ANKRD46: variants seen among roughly 807,000 people sequenced by gnomAD.
ANKRD46 encodes ankyrin repeat domain 46.
Under a neutral mutation model 19.8 loss-of-function variants are expected in ANKRD46, and 13 were observed. That is an observed-to-expected ratio of 0.66 (90% CI 0.43 to 1.04). The LOEUF (loss-of-function observed/expected upper bound fraction) is 1.04. Among genes scored for constraint, ANKRD46 ranks in the 50% least tolerant of loss-of-function variants. The probability of loss-of-function intolerance (pLI) is 0.00; values close to 1 mark genes in which losing one functional copy is unlikely to be tolerated. For synonymous variants in ANKRD46, 91 were observed against 106.9 expected, an observed-to-expected ratio of 0.85 and a Z score of 0.92; for missense variants, 185 against 274.8, an observed-to-expected ratio of 0.67 and a Z score of 2.31.
rs1812277718 is a variant in ANKRD46, at chr8:100,546,620, G to A, written c.-131+13091C>T. On this transcript the variant is annotated intron_variant, in intron 1 of 4. Coordinates refer to ENST00000335659, the MANE Select transcript of ANKRD46 (RefSeq NM_001270377.2). This position sits in a 1 kb window ranked among gnomAD's most constrained non-coding sequence, Gnocchi z 4.0. ...AGTGTGGAAGGGAAATGTAGGGTTG[G>A]AGCCCCCACACAGAGTCCCCACTGG... 6.6e-6 allele frequency among the ~76,000 whole-genome samples: 1 copy of A among 152,236 alleles called. No homozygotes were observed. Among genetic ancestry groups the A allele is most frequent in the East Asian group, 1.9e-4 (1 of 5,198 alleles).
chr8:100,538,398 T>C (rs893383536), intron 1 of ANKRD46, among the ~76,000 whole-genome samples: 1 of 152,236 alleles, frequency 6.6e-6, no homozygotes, highest in Non-Finnish European at 1.5e-5. Flanking sequence ...CAACACAGTG[T>C]AACAACTACT....
chr8:100,551,255 G>C, intron 1 of ANKRD46: 1 of 480,262 alleles, frequency 2.1e-6, no homozygotes, highest in Non-Finnish European at 3.9e-6. Flanking sequence ...TTAAGCAGTT[G>C]GTGGTACAGA....
chr8:100,549,104 T>C (rs1812330478), intron 1 of ANKRD46, among the ~76,000 whole-genome samples: 2 of 146,488 alleles, frequency 1.4e-5, no homozygotes, highest in South Asian at 2.1e-4. Flanking sequence ...TATGGAATAC[T>C]AGCATTAATG....
intron 2 of ANKRD46, among the ~76,000 whole-genome samples, chr8:100,530,636 G>A (rs1429192960): frequency 2.6e-5 from 4 of 152,134 alleles, no homozygotes; most frequent in East Asian, 1.9e-4. Context: ...GCCTGCCTTG[G>A]CCTTGCAAAA....
chr8:100,522,063 C>T lies in ANKRD46; in HGVS notation c.*492G>A. 3.0e-6 allele frequency: 3 copies of T among 986,562 alleles called. No individual in the cohort carries two copies. The highest frequency in any genetic ancestry group is 5.2e-4 in the Middle Eastern group (1 of 1,916). The allele number at this position is 986,562 out of a possible 1,614,324, so 61.1% of individuals were successfully genotyped here. A position where few individuals can be genotyped will look rare whatever the true frequency, so the allele number is the denominator to read the frequency against. ...GATGCTAACAATACTAATTTGCACA[C>T]AAGATTTGAAAAAAGTACTTCAAGT... On this transcript the variant is annotated 3_prime_UTR_variant, in exon 5 of 5. Coordinates refer to ENST00000335659, the MANE Select transcript of ANKRD46 (RefSeq NM_001270377.2).
At position 100,544,335 on chromosome 8, in the gene ANKRD46, G is replaced by A. The variant is rs1441284430; in HGVS notation, c.-130-11024C>T. Among the ~76,000 whole-genome samples the A allele has an allele frequency of 1.3e-5, 2 of 152,174 alleles. No homozygotes were observed. Among genetic ancestry groups the A allele is most frequent in the African/African-American group, 4.8e-5 (2 of 41,430 alleles). ...CAAGGACAAAGAACATAAGCCTAAA[G>A]TTGGGGAGGGGCCTAGCAATTGGAG... On this transcript the variant is annotated intron_variant, in intron 1 of 4. Transcript: ENST00000335659. The surrounding 1 kb of genome is among the most constrained non-coding windows in gnomAD (Gnocchi z 4.4).
rs944656364 is a variant in ANKRD46, at chr8:100,510,379, G to A, written c.*198C>T. On this transcript the variant is annotated 3_prime_UTR_variant, in exon 6 of 6. Transcript: ENST00000520552. The surrounding 1 kb of genome is among the most constrained non-coding windows in gnomAD (Gnocchi z 4.9). ...GAGGCCAGGAAGACAGCAGGTGCCC[G>A]GGCTGCCTGCAGGGCAGGACTGGAG... 38 of 440,108 alleles carry A rather than the reference G, an allele frequency of 8.6e-5. No individual in the cohort carries two copies. The highest frequency in any genetic ancestry group is 1.3e-4 in the Non-Finnish European group (34 of 252,978). The allele number at this position is 440,108 out of a possible 1,614,324, so 27.3% of individuals were successfully genotyped here.
rs4570128 is a variant in ANKRD46, at chr8:100,511,349, C to T, written c.637-710G>A. On this transcript the variant is annotated intron_variant, in intron 5 of 5. Transcript: ENST00000520552. This position sits in a 1 kb window ranked among gnomAD's most constrained non-coding sequence, Gnocchi z 4.1. Reference sequence around the variant, plus strand: ...TGCTCACCACCACACTCTTCTGCCTCCCAGTCACAAAAGAGTGGGTGTTTA... The same window carrying T: ...TGCTCACCACCACACTCTTCTGCCTTCCAGTCACAAAAGAGTGGGTGTTTA... Among the ~76,000 whole-genome samples the T allele has an allele frequency of 6.6e-6, 1 of 152,154 alleles. No individual in the cohort carries two copies. The highest frequency in any genetic ancestry group is 2.4e-5 in the African/African-American group (1 of 41,438).
chr8:100,546,831 T>A lies in ANKRD46; in HGVS notation c.-131+12880A>T, dbSNP rs143432878. On this transcript the variant is annotated intron_variant, in intron 1 of 4. Transcript: ENST00000335659. The surrounding 1 kb of genome is among the most constrained non-coding windows in gnomAD (Gnocchi z 4.0). ...GCACACCCCTTGCATCAGCATACCC[T>A]GGATGTGAGACATGGAGTTAAAGGA... Among the ~76,000 whole-genome samples, 60 of 152,338 alleles carry A rather than the reference T, an allele frequency of 3.9e-4. No individual in the cohort carries two copies. The East Asian group carries it at 0.01, about 25-fold the overall frequency.
chr8:100,520,509 TAAAACTTGCATGCTA>T (rs1031679813), downstream of ANKRD46, among the ~76,000 whole-genome samples: 10 of 152,082 alleles, frequency 6.6e-5, no homozygotes, highest in Admixed American at 4.6e-4. Flanking sequence ...GGGCGTAGGG[TAAAACTTGCATGCTA>T]AAAACTTGCA....
intron 5 of ANKRD46, among the ~76,000 whole-genome samples, chr8:100,513,156 C>T (rs1222111815): frequency 6.6e-6 from 1 of 152,172 alleles, no homozygotes; most frequent in East Asian, 1.9e-4. Flanking sequence ...GGAGTTTAGT[C>T]AATAAAACAC....
In ANKRD46 at chr8:100,536,032, G is replaced by T. The variant is rs1289392074; in HGVS notation, c.-130-2721C>A. Among the ~76,000 whole-genome samples, 1 of 152,080 alleles carries T rather than the reference G, an allele frequency of 6.6e-6. No individual in the cohort carries two copies. On this transcript the variant is annotated intron_variant, in intron 1 of 4. Coordinates refer to ENST00000335659, the MANE Select transcript of ANKRD46 (RefSeq NM_001270377.2). The surrounding 1 kb of genome is among the most constrained non-coding windows in gnomAD (Gnocchi z 4.9). ...GTCATCTTTGGAGTCATGTGTCTCG[G>T]TGTCAGGTTATTTATGGAAGAACCT...
intron 1 of ANKRD46, among the ~76,000 whole-genome samples, 195 bp from the exon 2 acceptor site, chr8:100,533,506 A>G (rs1026982786): frequency 6.6e-6 from 1 of 152,280 alleles, no homozygotes; most frequent in African/African-American, 2.4e-5. Flanking sequence ...AGGGCTTAAT[A>G]GAAGCTGCTC....
chr8:100,531,006 T>C (rs924805371), intron 2 of ANKRD46, among the ~76,000 whole-genome samples: 2 of 152,178 alleles, frequency 1.3e-5, no homozygotes, highest in African/African-American at 2.4e-5. Context: ...CTGGCCCCAC[T>C]GGCGCACCTG....
chr8:100,538,068 T>A (rs1030130922), intron 1 of ANKRD46, among the ~76,000 whole-genome samples: 62 of 152,254 alleles, frequency 4.1e-4, no homozygotes, highest in Non-Finnish European at 7.2e-4. Context: ...ATATACTGGC[T>A]GACTGCAATG....
Position 100,521,021 on chromosome 8 carries a change from G to A in ANKRD46, c.*1534C>T. ...ATTCCAAAGCCAGCTGTTTTTTGCT[G>A]GATTTACACCAACTATGATTTACTT... is the stretch of plus-strand genomic sequence containing the variant. On this transcript the variant is annotated 3_prime_UTR_variant, in exon 5 of 5. Transcript: ENST00000335659. The A allele has an allele frequency of 1.0e-6, 1 of 985,008 alleles. No homozygotes were observed. The allele number at this position is 985,008 out of a possible 1,614,324, so 61.0% of individuals were successfully genotyped here. A position where few individuals can be genotyped will look rare whatever the true frequency, so the allele number is the denominator to read the frequency against.
chr8:100,546,474 A>T lies in ANKRD46; in HGVS notation c.-130-13163T>A, dbSNP rs567027149. On this transcript the variant is annotated intron_variant, in intron 1 of 4. Coordinates refer to ENST00000335659, the MANE Select transcript of ANKRD46 (RefSeq NM_001270377.2). The surrounding 1 kb of genome is among the most constrained non-coding windows in gnomAD (Gnocchi z 4.0). ...GGTGTTGGGCCTGTAGGTGTGCAGA[A>T]GACAGGAGTTGAGCTTTGGGAACCT... Among the ~76,000 whole-genome samples, 5 of 152,392 alleles carry T rather than the reference A, an allele frequency of 3.3e-5. No individual in the cohort carries two copies. Among genetic ancestry groups the T allele is most frequent in the East Asian group, 3.9e-4 (2 of 5,190 alleles).
chr8:100,526,334 T>C (rs1455078216), intron 4 of ANKRD46, among the ~76,000 whole-genome samples: 1 of 152,130 alleles, frequency 6.6e-6, no homozygotes, highest in Admixed American at 6.5e-5. Flanking sequence ...CCTAAAAATA[T>C]ACCAAACAAG....
intron 1 of ANKRD46, among the ~76,000 whole-genome samples, chr8:100,548,633 T>C (rs1812319260): frequency 6.6e-6 from 1 of 152,226 alleles, no homozygotes; most frequent in Admixed American, 6.5e-5. Context: ...ACCTGTATCT[T>C]TTCTGTTAAG....
Sources: allele counts gnomAD v4.1 joint callset (sites outside exome capture counted in the v4.1 genomes callset), GRCh38; gene constraint gnomAD v4.1.1; non-coding constraint Gnocchi (gnomAD v3.1); transcripts MANE v1.5; gene names NCBI Gene and HGNC (gene_info 2026-07-23, HGNC 2026-07-21).